The following SLC45A4 variants were observed in gnomAD, a reference collection of about 807,000 sequenced individuals.
SLC45A4 encodes solute carrier family 45 member 4.
In SLC45A4, 32 loss-of-function variants were observed where a neutral mutation model predicts 63.7. That is an observed-to-expected ratio of 0.50 (90% CI 0.38 to 0.67). The LOEUF (loss-of-function observed/expected upper bound fraction) is 0.67. Ranked by LOEUF, SLC45A4 falls within the 30% of genes least tolerant of loss-of-function variation. The pLI is 0.00. For missense variants in SLC45A4, 1,027 were observed against 1,157.7 expected, an observed-to-expected ratio of 0.89 and a Z score of 1.64; for synonymous variants, 535 against 510.0, an observed-to-expected ratio of 1.05 and a Z score of -0.66.
Position 141,256,813 on chromosome 8 carries a change from A to C in SLC45A4, c.-400-2184T>G. The C allele has an allele frequency of 2.9e-6, 1 of 340,670 alleles. No homozygotes were observed. Among genetic ancestry groups the C allele is most frequent in the Non-Finnish European group, 5.9e-6 (1 of 169,402 alleles). The allele number at this position is 340,670 out of a possible 1,614,324, so 21.1% of individuals were successfully genotyped here. On this transcript the variant is annotated intron_variant, in intron 1 of 8. Coordinates refer to ENST00000517878, the MANE Select transcript of SLC45A4 (RefSeq NM_001286646.2). This position sits in a 1 kb window ranked among gnomAD's most constrained non-coding sequence, Gnocchi z 4.3. ...TCTCAATTAAAACAAGAGTTTCCAA[A>C]CTGTCACCTTACTGCAATATTTTTT...
rs1048107518 is a variant in SLC45A4 at position 141,230,022 on chromosome 8, G to A, written c.242-8257C>T. 3.5e-5 allele frequency: 16 copies of A among 455,268 alleles called. No individual in the cohort carries two copies. The East Asian group carries it at 1.0e-3, about 30-fold the overall frequency. The allele number at this position is 455,268 out of a possible 1,614,324, so 28.2% of individuals were successfully genotyped here. A position where few individuals can be genotyped will look rare whatever the true frequency, so the allele number is the denominator to read the frequency against. ...GGCAGTGAGTTCAAAATGCTGGAAG[G>A]ACAACACCACAGCACCATTACACGA... is the stretch of plus-strand genomic sequence containing the variant. On this transcript the variant is annotated intron_variant, in intron 2 of 8. Transcript: ENST00000517878.
intron 1 of SLC45A4, among the ~76,000 whole-genome samples, chr8:141,275,609 C>CAA (rs58255670): frequency 5.6e-5 from 7 of 125,462 alleles, no homozygotes; most frequent in South Asian, 5.4e-4. Context: ...ACCCCTGTCT[C>CAA]AAAAAAAAAA....
intron 2 of SLC45A4, among the ~76,000 whole-genome samples, chr8:141,230,885 G>A (rs548705890): frequency 1.3e-5 from 2 of 152,318 alleles, no homozygotes; most frequent in South Asian, 2.1e-4. Flanking sequence ...CCAACGACGC[G>A]GAACCAGGCC....
intron 2 of SLC45A4, 25 bp downstream of exon 2, chr8:141,253,964 G>A: frequency 1.3e-6 from 2 of 1,535,482 alleles, no homozygotes; most frequent in Non-Finnish European, 1.7e-6. Flanking sequence ...AGCGTTCACT[G>A]CGCACAGACG....
At chr8:141,234,696 G>A (rs2154614386) in intron 2 of SLC45A4, among the ~76,000 whole-genome samples, 1 of 152,172 alleles carries the variant, frequency 6.6e-6, no homozygotes, top group East Asian at 1.9e-4. Context: ...GACCCTGTCA[G>A]GGCTGTGGCG....
chr8:141,301,734 C>CAAAAAAAAA lies in SLC45A4; in HGVS notation c.-401+6353_-401+6361dup, dbSNP rs564016568. Among the ~76,000 whole-genome samples the CAAAAAAAAA allele has an allele frequency of 8.1e-3, 321 of 39,554 alleles. 28 individuals are homozygous for CAAAAAAAAA. Among genetic ancestry groups the CAAAAAAAAA allele is most frequent in the East Asian group, 0.014 (24 of 1,752 alleles). 25.9% of individuals were successfully genotyped at this position (39,554 alleles called of 152,430 possible). ...TGGGGGACAGAATGAGACCCTATCT[C>CAAAAAAAAA]AAAAAAAAAAAAAAAAAAAAAAAAA... is the stretch of plus-strand genomic sequence containing the variant. On this transcript the variant is annotated intron_variant, in intron 1 of 8. Coordinates refer to ENST00000517878, the MANE Select transcript of SLC45A4 (RefSeq NM_001286646.2).
intron 3 of SLC45A4, among the ~76,000 whole-genome samples, chr8:141,220,668 C>T (rs949995815): frequency 6.6e-6 from 1 of 152,258 alleles, no homozygotes; most frequent in African/African-American, 2.4e-5. Flanking sequence ...GGGAGAAGGG[C>T]TTTCTGCCCA....
At chr8:141,228,417 C>T in intron 2 of SLC45A4, 1 of 1,428,490 alleles carries the variant, frequency 7.0e-7, no homozygotes, top group Non-Finnish European at 9.2e-7. Flanking sequence ...CTCCAGAAAG[C>T]CAGCGGGAAC....
chr8:141,280,607 T>A (rs995367338), intron 1 of SLC45A4, among the ~76,000 whole-genome samples: 2 of 152,072 alleles, frequency 1.3e-5, no homozygotes, highest in Non-Finnish European at 2.9e-5. Context: ...CAATCCCAGG[T>A]TGAGACTCCA....
At chr8:141,217,277 GC>G in intron 5 of SLC45A4, 88 bp from the exon 6 acceptor site, 1 of 1,379,834 alleles carries the variant, frequency 7.2e-7, no homozygotes, top group South Asian at 1.2e-5. Flanking sequence ...CTGCTGGCCG[GC>G]TGCTCATTCT....
chr8:141,226,115 C>T (rs1310702039), intron 2 of SLC45A4: 1 of 152,324 alleles, frequency 6.6e-6, no homozygotes, highest in African/African-American at 2.4e-5. Context: ...CATGGCCTGA[C>T]ATCGTGATTT....
rs757038767 is a variant in SLC45A4, at chr8:141,218,902, C to T, written c.738G>A (p.Val246=). ...FFAAIIFTVS[V]ALHLFSIDEE... ...CGTCGATGCTGAACAGGTGCAGGGC[C>T]ACGGACACCGTGAAGATGATGGCGG... The change falls in exon 5 of 9, where the codon GTG becomes GTA. Residue 246 remains valine, a synonymous_variant. Coordinates refer to ENST00000517878, the MANE Select transcript of SLC45A4 (RefSeq NM_001286646.2). 3.1e-6 allele frequency: 5 copies of T among 1,613,728 alleles called. No homozygotes were observed. In the East Asian group the frequency reaches 8.9e-5, roughly 29 times the overall value.
At chr8:141,255,715 C>CA (rs1340149715) in intron 1 of SLC45A4, among the ~76,000 whole-genome samples, 3 of 145,282 alleles carry the variant, frequency 2.1e-5, no homozygotes, top group Non-Finnish European at 4.5e-5. Flanking sequence ...GACCCTGTCT[C>CA]AAAAAACAAA....
At chr8:141,251,770 GTA>G (rs1399553893) in intron 2 of SLC45A4, among the ~76,000 whole-genome samples, 1 of 151,890 alleles carries the variant, frequency 6.6e-6, no homozygotes, top group Non-Finnish European at 1.5e-5. Context: ...CACTGGAAAA[GTA>G]AGATGAGTGC....
chr8:141,233,224 C>A (rs981756699), intron 2 of SLC45A4, among the ~76,000 whole-genome samples: 1 of 152,208 alleles, frequency 6.6e-6, no homozygotes, highest in Non-Finnish European at 1.5e-5. Flanking sequence ...AGCTGGGCTG[C>A]AGACATTCGT....
chr8:141,304,386 C>G (rs1390621413), intron 1 of SLC45A4, among the ~76,000 whole-genome samples: 1 of 152,020 alleles, frequency 6.6e-6, no homozygotes, highest in African/African-American at 2.4e-5. Flanking sequence ...TGGTGAAACC[C>G]CATTTCTACT....
At chr8:141,260,250 T>C (rs949909086) in intron 1 of SLC45A4, among the ~76,000 whole-genome samples, 31 of 152,274 alleles carry the variant, frequency 2.0e-4, no homozygotes, top group African/African-American at 6.8e-4. Context: ...AAATGTCTCA[T>C]ACCTTCATGA....
At chr8:141,252,028 T>C (rs1051021746) in intron 2 of SLC45A4, among the ~76,000 whole-genome samples, 4 of 146,924 alleles carry the variant, frequency 2.7e-5, no homozygotes, top group Non-Finnish European at 4.5e-5. Flanking sequence ...AGAAACACTT[T>C]ATTATGTTTG....
At chr8:141,212,041 A>G in intron 8 of SLC45A4, 156 bp downstream of exon 8, 3 of 1,347,360 alleles carry the variant, frequency 2.2e-6, no homozygotes, top group Non-Finnish European at 9.5e-7. Context: ...AATTGTGGCT[A>G]TGGGGGCGGA....
Sources: allele counts gnomAD v4.1 joint callset (sites outside exome capture counted in the v4.1 genomes callset), GRCh38; gene constraint gnomAD v4.1.1; non-coding constraint Gnocchi (gnomAD v3.1); transcripts MANE v1.5; gene names NCBI Gene and HGNC (gene_info 2026-07-23, HGNC 2026-07-21).